Variants in R3HDM2 observed in about 807,000 individuals in gnomAD.
R3HDM2 encodes R3H domain-containing protein 2.
In R3HDM2, 38 loss-of-function variants were observed where a neutral mutation model predicts 124.5. That is an observed-to-expected ratio of 0.31 (90% CI 0.24 to 0.40). R3HDM2 has a LOEUF of 0.40. Ranked by LOEUF, R3HDM2 falls within the 10% of genes least tolerant of loss-of-function variation. The pLI is 1.00. For synonymous variants in R3HDM2, 391 were observed against 448.0 expected (o/e 0.87, Z 1.61); for missense variants, 869 against 1,236.9 (o/e 0.70, Z 4.46).
intron 2 of R3HDM2, among the ~76,000 whole-genome samples, chr12:57,381,184 T>C (rs1328775259): frequency 6.6e-6 from 1 of 151,900 alleles, no homozygotes; most frequent in Non-Finnish European, 1.5e-5. Context: ...TGAGCTGATA[T>C]CACGCCATTG....
In R3HDM2 at chr12:57,310,397, A is replaced by G; in HGVS notation, c.32T>C (p.Leu11Pro). 3 of 1,548,238 alleles carry G rather than the reference A, an allele frequency of 1.9e-6. No homozygotes were observed. Among genetic ancestry groups the G allele is most frequent in the South Asian group, 1.2e-5 (1 of 83,492 alleles). The change falls in exon 3 of 24, where the codon CTG (leucine) becomes CCG (proline). Residue 11 changes from leucine (L) to proline (P), a missense_variant. This residue lies in a region of R3HDM2 where 267 missense variants were observed against 447.7 expected (regional missense o/e 0.60). Coordinates refer to ENST00000402412, the MANE Select transcript of R3HDM2 (RefSeq NM_001394031.1). MSNSNTTQET[L>P]EIMKESEKKL... ...TTTTTCTGATTCTTTCATTATTTCC[A>G]GGGTCTCTTGAGTAGTGTTACTGTT... is the stretch of plus-strand genomic sequence containing the variant.
chr12:57,430,378 G>T (rs556630547), intron 1 of R3HDM2, among the ~76,000 whole-genome samples: 1 of 152,184 alleles, frequency 6.6e-6, no homozygotes, highest in South Asian at 2.1e-4. Context: ...CTCCACGCTC[G>T]AAGGAAAACC....
intron 2 of R3HDM2, among the ~76,000 whole-genome samples, chr12:57,360,934 C>T (rs1221201892): frequency 6.6e-6 from 1 of 151,428 alleles, no homozygotes; most frequent in Non-Finnish European, 1.5e-5. Flanking sequence ...TGCCTATGGT[C>T]CCAGCTACTT....
At chr12:57,307,342 G>T (rs1457726188) in intron 3 of R3HDM2, among the ~76,000 whole-genome samples, 1 of 151,432 alleles carries the variant, frequency 6.6e-6, no homozygotes, top group African/African-American at 2.4e-5. Flanking sequence ...TTTTTGAGAC[G>T]GGGTCTCACT....
At chr12:57,396,242 C>G (rs1794431485) in intron 1 of R3HDM2, among the ~76,000 whole-genome samples, 2 of 151,026 alleles carry the variant, frequency 1.3e-5, no homozygotes, top group Admixed American at 6.6e-5. Context: ...GAGTTCAAGA[C>G]CAGTCTGGTC....
At chr12:57,281,287 C>CAAAAA (rs71084737) in intron 13 of R3HDM2, among the ~76,000 whole-genome samples, 1 of 81,978 alleles carries the variant, frequency 1.2e-5, no homozygotes, top group Non-Finnish European at 2.3e-5. Flanking sequence ...GACTCGGTCT[C>CAAAAA]AAAAAAAAAA....
chr12:57,428,451 G>C (rs937559563), intron 1 of R3HDM2, among the ~76,000 whole-genome samples: 31 of 137,704 alleles, frequency 2.3e-4, no homozygotes, highest in African/African-American at 8.1e-4. Flanking sequence ...CTAACACAGT[G>C]AAACCCGTCT....
At chr12:57,311,975 C>T (rs368849430) in intron 2 of R3HDM2, among the ~76,000 whole-genome samples, 17 of 152,264 alleles carry the variant, frequency 1.1e-4, no homozygotes, top group African/African-American at 4.1e-4. Context: ...CCTCAATTGC[C>T]GAAGTCAAAC....
At chr12:57,354,590 T>A (rs1286590782) in intron 2 of R3HDM2, among the ~76,000 whole-genome samples, 1 of 151,892 alleles carries the variant, frequency 6.6e-6, no homozygotes, top group East Asian at 1.9e-4. Context: ...CACTGCACCC[T>A]GCCTGCATTT....
chr12:57,422,548 G>A (rs1394424405), intron 1 of R3HDM2, among the ~76,000 whole-genome samples: 2 of 152,200 alleles, frequency 1.3e-5, no homozygotes, highest in Non-Finnish European at 2.9e-5. Context: ...AGCCAGAAAG[G>A]CTGACAGGGG....
At chr12:57,269,504 C>T (rs2043145069) in intron 15 of R3HDM2, 55 bp from the exon 16 acceptor site, 4 of 1,594,774 alleles carry the variant, frequency 2.5e-6, no homozygotes, top group Non-Finnish European at 3.4e-6. Flanking sequence ...GCCGCAACAT[C>T]AGCATACTAC....
intron 2 of R3HDM2, among the ~76,000 whole-genome samples, chr12:57,369,967 A>T (rs989651858): frequency 2.0e-5 from 3 of 152,224 alleles, no homozygotes; most frequent in Non-Finnish European, 4.4e-5. Context: ...AATAGCACAT[A>T]TAAATTAATA....
intron 2 of R3HDM2, among the ~76,000 whole-genome samples, chr12:57,355,813 G>GT (rs1212170047): frequency 1.3e-5 from 2 of 152,166 alleles, no homozygotes; most frequent in Non-Finnish European, 2.9e-5. Context: ...CATGTGTCTT[G>GT]TCAAATTTAG....
chr12:57,403,856 T>C (rs925274743), intron 1 of R3HDM2, among the ~76,000 whole-genome samples: 32 of 151,566 alleles, frequency 2.1e-4, no homozygotes, highest in Admixed American at 6.6e-4. Context: ...CATTTCATAC[T>C]TTTTTCTATC....
chr12:57,426,119 T>C (rs958205390), intron 1 of R3HDM2, among the ~76,000 whole-genome samples: 2 of 152,054 alleles, frequency 1.3e-5, no homozygotes, highest in African/African-American at 4.8e-5. Context: ...TCCCAGCTAC[T>C]TGGGAGGCTG....
At chr12:57,396,661 C>T (rs925518535) in intron 1 of R3HDM2, among the ~76,000 whole-genome samples, 4 of 151,008 alleles carry the variant, frequency 2.6e-5, no homozygotes, top group African/African-American at 9.7e-5. Context: ...CGCCTGTAAT[C>T]GCAGCTACTC....
intron 2 of R3HDM2, among the ~76,000 whole-genome samples, chr12:57,337,518 C>G (rs890697892): frequency 6.6e-6 from 1 of 152,032 alleles, no homozygotes; most frequent in Non-Finnish European, 1.5e-5. Context: ...CAGTGGGAGT[C>G]ATAAATTGTA....
chr12:57,298,293 G>A (rs2138620151), intron 6 of R3HDM2, 125 bp from the exon 7 acceptor site: 1 of 731,060 alleles, frequency 1.4e-6, no homozygotes, highest in East Asian at 2.7e-5. Context: ...CAAACTTCCA[G>A]GGTTTTAACA....
chr12:57,370,502 T>C (rs2137922956), intron 2 of R3HDM2, among the ~76,000 whole-genome samples: 1 of 149,752 alleles, frequency 6.7e-6, no homozygotes. Context: ...TAGCCAGGCA[T>C]GGTGGTGCAT....
Sources: allele counts gnomAD v4.1 joint callset (sites outside exome capture counted in the v4.1 genomes callset), GRCh38; gene constraint gnomAD v4.1.1; regional missense constraint gnomAD v4.1.1; transcripts MANE v1.5; gene names NCBI Gene and HGNC (gene_info 2026-07-23, HGNC 2026-07-21).